Variants in MFSD11 observed in about 807,000 individuals in gnomAD.
The protein encoded by MFSD11 is UNC93-like protein MFSD11.
In MFSD11, 36 loss-of-function variants were observed where a neutral mutation model predicts 53.5. That is an observed-to-expected ratio of 0.67 (90% CI 0.52 to 0.89). The LOEUF (loss-of-function observed/expected upper bound fraction) is 0.89. MFSD11 is among the 40% of genes least tolerant of loss of function. MFSD11 has a pLI of 0.00. For missense variants in MFSD11, 530 were observed against 543.9 expected (o/e 0.97, Z 0.25); for synonymous variants, 186 against 184.9 (o/e 1.01, Z -0.05).
chr17:76,750,256 A>G (rs1486094903), intron 7 of MFSD11, among the ~76,000 whole-genome samples: 1 of 152,192 alleles, frequency 6.6e-6, no homozygotes, highest in Non-Finnish European at 1.5e-5. Flanking sequence ...GGGTACTACC[A>G]AATGATGGCA....
In MFSD11 at chr17:76,745,812, CTTAT is replaced by C. The variant is rs111982936; in HGVS notation, c.641+1373_641+1376del. 1.0e-3 allele frequency among the ~76,000 whole-genome samples: 156 copies of C among 149,000 alleles called. No individual in the cohort carries two copies. In the South Asian group the frequency reaches 0.015, roughly 14 times the overall value. On this transcript the variant is annotated intron_variant, in intron 7 of 12. Coordinates refer to ENST00000685175, the MANE Select transcript of MFSD11 (RefSeq NM_001242532.5). ...TGCATGTCTCTCACTTTATTATTTACTTATTTATTTATTTATTTATTTATTTATT... is the reference window on the plus strand; with the variant it reads ...TGCATGTCTCTCACTTTATTATTTACTTATTTATTTATTTATTTATTTATT...
At chr17:76,765,295 C>G (rs2080725554) in intron 8 of MFSD11, among the ~76,000 whole-genome samples, 1 of 151,940 alleles carries the variant, frequency 6.6e-6, no homozygotes, top group African/African-American at 2.4e-5. Flanking sequence ...AATCAATTGA[C>G]TGTAGATATA....
chr17:76,760,829 C>T (rs1221200759), intron 8 of MFSD11, among the ~76,000 whole-genome samples: 1 of 152,100 alleles, frequency 6.6e-6, no homozygotes, highest in Non-Finnish European at 1.5e-5. Flanking sequence ...TGTGCCTGGC[C>T]AGGAGCAGTT....
At chr17:76,790,613 C>T in the MFSD11 span, among the ~76,000 whole-genome samples, 56 of 147,178 alleles carry the variant, frequency 3.8e-4, 2 homozygotes, top group African/African-American at 1.3e-3. Flanking sequence ...CCACCGTGCC[C>T]GGCCTAAAAC....
chr17:76,794,418 A>C, the MFSD11 span, among the ~76,000 whole-genome samples: 1 of 149,958 alleles, frequency 6.7e-6, no homozygotes, highest in South Asian at 2.1e-4. Flanking sequence ...TGGAGGTTGC[A>C]GTGAGCCTAG....
chr17:76,745,628 G>A (rs1176432058), intron 7 of MFSD11, among the ~76,000 whole-genome samples: 2 of 152,118 alleles, frequency 1.3e-5, no homozygotes, highest in African/African-American at 4.8e-5. Flanking sequence ...ATCCATATAA[G>A]GTGGTGAACT....
chr17:76,803,787 A>G, the MFSD11 span, among the ~76,000 whole-genome samples: 1 of 152,144 alleles, frequency 6.6e-6, no homozygotes, highest in African/African-American at 2.4e-5. Context: ...GAGTAATAAT[A>G]AAACTTTGGT....
At chr17:76,765,330 T>TA (rs1177965504) in intron 8 of MFSD11, among the ~76,000 whole-genome samples, 3 of 152,126 alleles carry the variant, frequency 2.0e-5, no homozygotes, top group African/African-American at 4.8e-5. Flanking sequence ...GATAGATAGA[T>TA]ATATTCTTAT....
chr17:76,749,638 T>A (rs988531776), intron 7 of MFSD11, among the ~76,000 whole-genome samples: 8 of 151,962 alleles, frequency 5.3e-5, no homozygotes, highest in Non-Finnish European at 1.2e-4. Context: ...AAACCTGTAA[T>A]TCCAGCACTT....
chr17:76,745,080 A>T (rs2078416492), intron 7 of MFSD11, among the ~76,000 whole-genome samples: 1 of 152,242 alleles, frequency 6.6e-6, no homozygotes, highest in African/African-American at 2.4e-5. Flanking sequence ...TTTAAGCATG[A>T]CAGGCTAGTG....
At chr17:76,737,995 C>G (rs2077656283), upstream of MFSD11, 2 of 306,764 alleles carry the variant, frequency 6.5e-6, no homozygotes, top group African/African-American at 2.2e-5. Flanking sequence ...GTCGCCTGGC[C>G]GCAGTGAGTC....
Position 76,738,997 on chromosome 17 carries a change from T to C in MFSD11, c.152+4T>C. On this transcript the variant is annotated splice_donor_region_variant and intron_variant, in intron 2 of 12. Coordinates refer to ENST00000685175, the MANE Select transcript of MFSD11 (RefSeq NM_001242532.5). ...TTCACGGCAGTGGATATACCAGGTA[T>C]TGTACCGTATGATTGATTTTGCTTT... 1.2e-6 allele frequency: 2 copies of C among 1,610,696 alleles called. No individual in the cohort carries two copies. Among genetic ancestry groups the C allele is most frequent in the Non-Finnish European group, 8.5e-7 (1 of 1,176,940 alleles).
rs140749971 is a variant in MFSD11, at chr17:76,760,503, T to G, written c.682+6416T>G. Among the ~76,000 whole-genome samples, 122 of 151,328 alleles carry G rather than the reference T, an allele frequency of 8.1e-4. No individual in the cohort carries two copies. In the South Asian group the frequency reaches 0.013, roughly 16 times the overall value. On this transcript the variant is annotated intron_variant, in intron 8 of 12. Transcript: ENST00000685175. ...TCAAGGGTCAACTGTGTAAGTAAAG[T>G]GCAAATTAGAAGCAGTTTTCTTTCT...
intron 8 of MFSD11, among the ~76,000 whole-genome samples, chr17:76,758,217 A>G (rs2079840963): frequency 1.3e-5 from 2 of 152,196 alleles, no homozygotes; most frequent in African/African-American, 4.8e-5. Flanking sequence ...GAAAAATAAT[A>G]TAGATCCATA....
Position 76,778,789 on chromosome 17 carries a change from A to G in MFSD11, c.*437A>G, listed in dbSNP as rs2144968232. The G allele has an allele frequency of 6.2e-6, 1 of 160,564 alleles. No individual in the cohort carries two copies. Among genetic ancestry groups the G allele is most frequent in the Admixed American group, 5.9e-5 (1 of 16,964 alleles). 9.9% of individuals were successfully genotyped at this position (160,564 alleles called of 1,614,324 possible). A position where few individuals can be genotyped will look rare whatever the true frequency, so the allele number is the denominator to read the frequency against. ...TGTCATTCCCCATATGTGTTGGAGA[A>G]TGACATTTAAATAAATAGCAAAGCT... is the stretch of plus-strand genomic sequence containing the variant. On this transcript the variant is annotated 3_prime_UTR_variant, in exon 13 of 13. Coordinates refer to ENST00000685175, the MANE Select transcript of MFSD11 (RefSeq NM_001242532.5).
intron 7 of MFSD11, among the ~76,000 whole-genome samples, chr17:76,751,450 T>C (rs546737452): frequency 6.9e-4 from 105 of 151,976 alleles, no homozygotes; most frequent in African/African-American, 2.4e-3. Flanking sequence ...TCCCAACACT[T>C]TGGGAGGCTG....
At chr17:76,748,874 A>G (rs2078788693) in intron 7 of MFSD11, among the ~76,000 whole-genome samples, 1 of 149,922 alleles carries the variant, frequency 6.7e-6, no homozygotes, top group Admixed American at 6.6e-5. Context: ...TCCTGCATTC[A>G]TCCTTTCTTT....
At chr17:76,764,704 CAT>C (rs1462715953) in intron 8 of MFSD11, among the ~76,000 whole-genome samples, 1 of 151,220 alleles carries the variant, frequency 6.6e-6, no homozygotes, top group African/African-American at 2.5e-5. Context: ...CACACACACA[CAT>C]ATACATATAA....
chr17:76,793,386 T>A, the MFSD11 span, among the ~76,000 whole-genome samples: 1 of 151,550 alleles, frequency 6.6e-6, no homozygotes, highest in Non-Finnish European at 1.5e-5. Context: ...CCATTTGCTT[T>A]TGAAAAAAGA....
Sources: gnomAD v4.1 joint callset for allele counts (sites outside exome capture counted in the v4.1 genomes callset) on GRCh38, gnomAD v4.1.1 for gene constraint, MANE v1.5 for transcripts, NCBI Gene and HGNC (gene_info 2026-07-23, HGNC 2026-07-21) for gene names.